TAFA1: variants seen among roughly 807,000 people sequenced by gnomAD.
TAFA1 encodes TAFA chemokine like family member 1.
A neutral mutation model predicts 18.5 loss-of-function variants in TAFA1; 4 were observed. That is an observed-to-expected ratio of 0.22 (90% CI 0.11 to 0.49). TAFA1 has a LOEUF of 0.49. Among genes scored for constraint, TAFA1 ranks in the 20% least tolerant of loss-of-function variants. The pLI is 0.98. For synonymous variants in TAFA1, 56 were observed against 55.2 expected (o/e 1.01, Z -0.06); for missense variants, 147 against 169.0 (o/e 0.87, Z 0.72).
intron 4 of TAFA1, among the ~76,000 whole-genome samples, chr3:68,539,863 T>G (rs1049289631): frequency 5.3e-5 from 8 of 152,154 alleles, no homozygotes; most frequent in African/African-American, 1.9e-4. Flanking sequence ...AGCCTCAAGC[T>G]ATCTTCCTGC....
intron 2 of TAFA1, among the ~76,000 whole-genome samples, chr3:68,327,576 T>G (rs2068797200): frequency 6.6e-6 from 1 of 152,132 alleles, no homozygotes; most frequent in South Asian, 2.1e-4. Context: ...TCAGTAAAAT[T>G]GAGCTAACAA....
Position 68,398,138 on chromosome 3 carries a change from G to C in TAFA1, c.119-19142G>C, listed in dbSNP as rs183907021. Among the ~76,000 whole-genome samples the C allele has an allele frequency of 3.2e-3, 492 of 152,210 alleles. 2 individuals are homozygous for C. Among genetic ancestry groups the C allele is most frequent in the Non-Finnish European group, 5.2e-3 (356 of 67,982 alleles). On this transcript the variant is annotated intron_variant, in intron 2 of 4. Transcript: ENST00000478136. The stretch of plus-strand genomic sequence containing the variant: ...GACAATCCTAAACAAAAAGAACAAA[G>C]CTGGAGGCATCACACTACCTGACTT...
chr3:68,519,244 G>A (rs11925200), intron 3 of TAFA1, among the ~76,000 whole-genome samples: 6,814 of 152,190 alleles, frequency 0.045, 426 homozygotes, highest in East Asian at 0.19. Flanking sequence ...AGACTCCAGT[G>A]AACTACTTTG....
At chr3:68,309,965 T>C (rs1007999978) in intron 2 of TAFA1, among the ~76,000 whole-genome samples, 2 of 152,254 alleles carry the variant, frequency 1.3e-5, no homozygotes, top group South Asian at 2.1e-4. Context: ...ATGGCACTTT[T>C]GTGCAAATTG....
intron 2 of TAFA1, among the ~76,000 whole-genome samples, chr3:68,228,983 C>A (rs1344979949): frequency 1.3e-5 from 2 of 152,112 alleles, no homozygotes; most frequent in African/African-American, 4.8e-5. Flanking sequence ...TTCATTCTGC[C>A]CAAGATGGTT....
In TAFA1 at chr3:68,262,338, TATATATATATA is replaced by T. The variant is rs1559585909; in HGVS notation, c.119-154941_119-154931del. On this transcript the variant is annotated intron_variant, in intron 2 of 4. Coordinates refer to ENST00000478136, the MANE Select transcript of TAFA1 (RefSeq NM_213609.4). ...ATATATATATATATATATATATATA[TATATATATATA>T]TATATATATTTCATGGGTATATTGA... Among the ~76,000 whole-genome samples the T allele has an allele frequency of 3.8e-3, 357 of 93,786 alleles. 14 individuals carry two copies. Among genetic ancestry groups the T allele is most frequent in the African/African-American group, 0.014 (343 of 24,264 alleles). The allele number at this position is 93,786 out of a possible 152,430, so 61.5% of individuals were successfully genotyped here.
At chr3:68,285,132 T>A (rs548775662) in intron 2 of TAFA1, among the ~76,000 whole-genome samples, 1 of 152,064 alleles carries the variant, frequency 6.6e-6, no homozygotes. Flanking sequence ...ACATCATGGA[T>A]GAAACTCAAA....
chr3:68,384,520 G>A (rs75666631), intron 2 of TAFA1, among the ~76,000 whole-genome samples: 4,573 of 152,122 alleles, frequency 0.03, 93 homozygotes, highest in East Asian at 0.092. Flanking sequence ...TTGTGCTATG[G>A]TCAGAAAGAT....
chr3:68,101,483 C>T (rs185035957), intron 2 of TAFA1, among the ~76,000 whole-genome samples: 1 of 152,070 alleles, frequency 6.6e-6, no homozygotes, highest in Admixed American at 6.6e-5. Context: ...CACACATATA[C>T]CATGGAATAC....
chr3:68,420,572 G>A (rs1559662347), intron 3 of TAFA1, among the ~76,000 whole-genome samples: 1 of 152,020 alleles, frequency 6.6e-6, no homozygotes, highest in Non-Finnish European at 1.5e-5. Flanking sequence ...GGGATATACT[G>A]GGACTAGTTC....
chr3:68,430,120 G>A (rs1275608253), intron 3 of TAFA1, among the ~76,000 whole-genome samples: 1 of 151,864 alleles, frequency 6.6e-6, no homozygotes, highest in Non-Finnish European at 1.5e-5. Flanking sequence ...ACATATACAA[G>A]TAAACCACAC....
At chr3:68,349,186 C>CT (rs2069219604) in intron 2 of TAFA1, among the ~76,000 whole-genome samples, 1 of 151,780 alleles carries the variant, frequency 6.6e-6, no homozygotes, top group African/African-American at 2.4e-5. Context: ...TTGACTATCT[C>CT]TTTTTTCAGG....
intron 2 of TAFA1, among the ~76,000 whole-genome samples, chr3:68,084,740 G>C (rs1287003648): frequency 6.6e-6 from 1 of 151,566 alleles, no homozygotes; most frequent in Non-Finnish European, 1.5e-5. Context: ...GGAGGTTGCA[G>C]CGAGCCGAGA....
At chr3:68,391,872 A>G (rs2070258332) in intron 2 of TAFA1, among the ~76,000 whole-genome samples, 1 of 152,200 alleles carries the variant, frequency 6.6e-6, no homozygotes, top group Non-Finnish European at 1.5e-5. Context: ...CTAAACATGG[A>G]AAGGAAAAAT....
At position 68,542,682 on chromosome 3, in the gene TAFA1, G is replaced by C. The variant is rs1255876301; in HGVS notation, c.385-1804G>C. ...GCCTTTCTCCAGAGATGATTTTGAG[G>C]GTTTTAATATTTAAAGGGAAAAGGG... On this transcript the variant is annotated intron_variant, in intron 4 of 4. Transcript: ENST00000478136. Among the ~76,000 whole-genome samples, 3 of 152,096 alleles carry C rather than the reference G, an allele frequency of 2.0e-5. No individual in the cohort carries two copies. In the East Asian group the frequency reaches 5.8e-4, roughly 29 times the overall value.
chr3:68,452,509 C>G (rs938370945), intron 3 of TAFA1, among the ~76,000 whole-genome samples: 2 of 80,794 alleles, frequency 2.5e-5, no homozygotes, highest in Non-Finnish European at 4.4e-5. Context: ...GGCGACAAAG[C>G]AAAACTCTCT....
intron 2 of TAFA1, among the ~76,000 whole-genome samples, chr3:68,134,067 GAA>G (rs10593198): frequency 0.12 from 11,524 of 97,366 alleles, 523 homozygotes; most frequent in Middle Eastern, 0.19. Context: ...ATGACAACTG[GAA>G]AAAAAAAAAA....
At chr3:68,033,877 T>A (rs964814981) in intron 2 of TAFA1, among the ~76,000 whole-genome samples, 3 of 152,206 alleles carry the variant, frequency 2.0e-5, no homozygotes, top group African/African-American at 4.8e-5. Context: ...ATATCCCATA[T>A]CACCTTTCAC....
chr3:68,380,337 T>C (rs1170071138), intron 2 of TAFA1, among the ~76,000 whole-genome samples: 9 of 152,276 alleles, frequency 5.9e-5, no homozygotes, highest in Admixed American at 1.3e-4. Context: ...CCTGAGGAAT[T>C]GGCACACCGA....
Sources: allele counts gnomAD v4.1 joint callset (sites outside exome capture counted in the v4.1 genomes callset), GRCh38; gene constraint gnomAD v4.1.1; transcripts MANE v1.5; gene names NCBI Gene and HGNC (gene_info 2026-07-23, HGNC 2026-07-21).